The following PLD5 variants were observed in gnomAD, a reference collection of about 807,000 sequenced individuals.
PLD5 encodes phospholipase D family member 5, also known as inactive phospholipase D5.
A neutral mutation model predicts 61.1 loss-of-function variants in PLD5; 36 were observed. That is an observed-to-expected ratio of 0.59 (90% CI 0.45 to 0.78). PLD5 has a LOEUF of 0.78. PLD5 is among the 30% of genes least tolerant of loss of function. The pLI, the probability that PLD5 is intolerant of heterozygous loss-of-function variation, is 0.00. For missense variants in PLD5, 515 were observed against 644.4 expected, an observed-to-expected ratio of 0.80 and a Z score of 2.17; for synonymous variants, 243 against 242.8, an observed-to-expected ratio of 1.00 and a Z score of -0.01.
At chr1:242,152,030 GC>G (rs556789472) in intron 5 of PLD5, among the ~76,000 whole-genome samples, 2 of 149,778 alleles carry the variant, frequency 1.3e-5, no homozygotes, top group African/African-American at 4.9e-5. Flanking sequence ...TTTTTTCAGT[GC>G]TGCAAAGGTA....
intron 1 of PLD5, among the ~76,000 whole-genome samples, chr1:242,473,244 G>T (rs1442485398): frequency 5.3e-5 from 8 of 152,062 alleles, no homozygotes. Flanking sequence ...AATGGTAGAG[G>T]AATTTAAAAG....
In PLD5 at chr1:242,273,724, G is replaced by A. The variant is rs868064638; in HGVS notation, c.496-8276C>T. ...TGGGGGATTATCCTGGATTATCTGAGGATAATCCTAAATACAATCACAAGT... is the reference window on the plus strand; with the variant it reads ...TGGGGGATTATCCTGGATTATCTGAAGATAATCCTAAATACAATCACAAGT... On this transcript the variant is annotated intron_variant, in intron 3 of 9. Transcript: ENST00000536534. Among the ~76,000 whole-genome samples the A allele has an allele frequency of 2.6e-5, 4 of 152,266 alleles. No individual in the cohort carries two copies. In the South Asian group the frequency reaches 8.3e-4, roughly 32 times the overall value.
At chr1:242,170,254 C>T (rs1449296495) in intron 5 of PLD5, among the ~76,000 whole-genome samples, 1 of 152,222 alleles carries the variant, frequency 6.6e-6, no homozygotes, top group African/African-American at 2.4e-5. Context: ...GCAATCTTTG[C>T]TGTTCTGCAG....
intron 5 of PLD5, among the ~76,000 whole-genome samples, chr1:242,130,848 A>G (rs1663181061): frequency 6.6e-6 from 1 of 152,104 alleles, no homozygotes; most frequent in African/African-American, 2.4e-5. Flanking sequence ...AAAAAGCTGG[A>G]TATTTATAGC....
chr1:242,492,165 C>T (rs1167047662), intron 1 of PLD5, among the ~76,000 whole-genome samples: 1 of 152,052 alleles, frequency 6.6e-6, no homozygotes, highest in Non-Finnish European at 1.5e-5. Context: ...TCCTATGCTC[C>T]TCTGCTGTTC....
At chr1:242,405,637 T>C (rs1664196300) in intron 1 of PLD5, among the ~76,000 whole-genome samples, 1 of 152,020 alleles carries the variant, frequency 6.6e-6, no homozygotes, top group African/African-American at 2.4e-5. Flanking sequence ...GTTTCACTCT[T>C]ATTGCCCAGG....
chr1:242,267,724 T>C (rs1235532438), intron 3 of PLD5, among the ~76,000 whole-genome samples: 1 of 123,174 alleles, frequency 8.1e-6, no homozygotes, highest in Non-Finnish European at 1.7e-5. Flanking sequence ...TACAAAAAGT[T>C]AAAAAAAAAA....
At chr1:242,221,110 C>T (rs1670560374) in intron 4 of PLD5, among the ~76,000 whole-genome samples, 1 of 152,078 alleles carries the variant, frequency 6.6e-6, no homozygotes, top group Non-Finnish European at 1.5e-5. Flanking sequence ...ATTGTTAATG[C>T]CAAAAATATA....
chr1:242,341,223 A>G (rs945774208), intron 2 of PLD5, among the ~76,000 whole-genome samples: 1 of 151,054 alleles, frequency 6.6e-6, no homozygotes, highest in African/African-American at 2.4e-5. Flanking sequence ...AACAATGATT[A>G]AAGTCCACTG....
At chr1:242,181,662 TTTTTG>T (rs1553317602) in intron 5 of PLD5, among the ~76,000 whole-genome samples, 1 of 151,740 alleles carries the variant, frequency 6.6e-6, no homozygotes, top group Non-Finnish European at 1.5e-5. Flanking sequence ...CAATGGTTTT[TTTTTG>T]TTTTGTTTTG....
At chr1:242,365,796 C>A in intron 1 of PLD5, 1 of 184,982 alleles carries the variant, frequency 5.4e-6, no homozygotes, top group South Asian at 1.2e-4. Context: ...ATATCAAGCG[C>A]ACCATGGGCA....
At chr1:242,242,148 CA>C (rs1672097848) in intron 4 of PLD5, among the ~76,000 whole-genome samples, 1 of 151,700 alleles carries the variant, frequency 6.6e-6, no homozygotes, top group South Asian at 2.1e-4. Context: ...GCGTCTGGCA[CA>C]TTGTAAGAAT....
intron 4 of PLD5, among the ~76,000 whole-genome samples, chr1:242,258,556 A>G (rs914964610): frequency 5.3e-5 from 8 of 152,216 alleles, no homozygotes; most frequent in Non-Finnish European, 8.8e-5. Flanking sequence ...CGATTGCTAC[A>G]GACCAAGTGA....
At chr1:242,355,275 T>G (rs1660695386) in intron 1 of PLD5, among the ~76,000 whole-genome samples, 1 of 152,146 alleles carries the variant, frequency 6.6e-6, no homozygotes, top group Admixed American at 6.5e-5. Flanking sequence ...GAGAGACTTT[T>G]CATTACTGGT....
chr1:242,341,283 G>A (rs59679669), intron 2 of PLD5, among the ~76,000 whole-genome samples: 9 of 151,512 alleles, frequency 5.9e-5, no homozygotes, highest in African/African-American at 1.7e-4. Context: ...TACTAAACAG[G>A]AAAGTGACAA....
At chr1:242,399,345 T>C (rs1403070385) in intron 1 of PLD5, among the ~76,000 whole-genome samples, 2 of 152,178 alleles carry the variant, frequency 1.3e-5, no homozygotes, top group African/African-American at 4.8e-5. Flanking sequence ...AACATAAACA[T>C]GATCAAATCC....
intron 5 of PLD5, among the ~76,000 whole-genome samples, chr1:242,214,512 T>C (rs1670023109): frequency 6.6e-6 from 1 of 152,196 alleles, no homozygotes; most frequent in South Asian, 2.1e-4. Flanking sequence ...GCCTGGCCCA[T>C]TGGCTTATGG....
At chr1:242,325,198 A>G (rs540312631) in intron 2 of PLD5, among the ~76,000 whole-genome samples, 2 of 151,944 alleles carry the variant, frequency 1.3e-5, no homozygotes, top group Non-Finnish European at 2.9e-5. Flanking sequence ...GTCCTATGTC[A>G]TCCATAAAAG....
intron 5 of PLD5, among the ~76,000 whole-genome samples, chr1:242,219,512 A>G (rs879602665): frequency 6.6e-6 from 1 of 152,206 alleles, no homozygotes; most frequent in Non-Finnish European, 1.5e-5. Context: ...ATGCATAAAA[A>G]TCCTAAGTGT....
Sources: allele counts gnomAD v4.1 joint callset (sites outside exome capture counted in the v4.1 genomes callset), GRCh38; gene constraint gnomAD v4.1.1; transcripts MANE v1.5; gene names NCBI Gene and HGNC (gene_info 2026-07-23, HGNC 2026-07-21).